CLEC3A: variants seen among roughly 807,000 people sequenced by gnomAD.
The protein encoded by CLEC3A is C-type lectin domain family 3 member A, also known as C-type (calcium dependent, carbohydrate-recognition domain) lectin, superfamily member 1 (cartilage-derived).
In CLEC3A, 28 loss-of-function variants were observed where a neutral mutation model predicts 20.4. That is an observed-to-expected ratio of 1.37 (90% CI 1.02 to 1.88). CLEC3A has a LOEUF of 1.88. Ranked by LOEUF, CLEC3A falls within the 40% of genes most tolerant of loss-of-function variation. The pLI is 0.00. For missense variants in CLEC3A, 357 were observed against 240.4 expected, an observed-to-expected ratio of 1.48 and a Z score of -3.21; for synonymous variants, 110 against 88.1, an observed-to-expected ratio of 1.25 and a Z score of -1.39.
chr16:78,024,565 A>G (rs1597150961), intron 1 of CLEC3A, among the ~76,000 whole-genome samples: 1 of 152,188 alleles, frequency 6.6e-6, no homozygotes, highest in African/African-American at 2.4e-5. Flanking sequence ...TTCCCCCAGT[A>G]TAGTTTTTGC....
chr16:78,026,844 A>G (rs2029939007), intron 1 of CLEC3A, among the ~76,000 whole-genome samples: 1 of 152,202 alleles, frequency 6.6e-6, no homozygotes, highest in African/African-American at 2.4e-5. Flanking sequence ...CCAGGAACAT[A>G]CAAGACTTAA....
At chr16:78,026,119 G>T (rs2029911062) in intron 1 of CLEC3A, among the ~76,000 whole-genome samples, 2 of 152,092 alleles carry the variant, frequency 1.3e-5, no homozygotes, top group Admixed American at 6.5e-5. Context: ...AAATCTTTAG[G>T]TTATAGTATT....
In CLEC3A at chr16:78,032,018, T is replaced by G. The variant is rs1421789497; in HGVS notation, c.*1177T>G. Reference sequence around the variant, plus strand: ...ATGTGTTTTGTGAACAATATCCCACTTTGCAAACTTTAACTACACATGCTT... The same window carrying G: ...ATGTGTTTTGTGAACAATATCCCACGTTGCAAACTTTAACTACACATGCTT... On this transcript the variant is annotated 3_prime_UTR_variant, in exon 3 of 3. Coordinates refer to ENST00000299642, the MANE Select transcript of CLEC3A (RefSeq NM_005752.6). 6.6e-6 allele frequency: 1 copy of G among 152,650 alleles called. No individual in the cohort carries two copies. The highest frequency in any genetic ancestry group is 1.9e-4 in the East Asian group (1 of 5,204). 9.5% of individuals were successfully genotyped at this position (152,650 alleles called of 1,614,324 possible).
At position 78,030,897 on chromosome 16, in the gene CLEC3A, T is replaced by C. The variant is rs754008238; in HGVS notation, c.*56T>C. ...TTCATCATAACTTATAGGTTCATGA[T>C]CTCTAAGATCAAGTAAAAATCATAA... On this transcript the variant is annotated 3_prime_UTR_variant, in exon 3 of 3. Coordinates refer to ENST00000299642, the MANE Select transcript of CLEC3A (RefSeq NM_005752.6). The C allele has an allele frequency of 6.7e-7, 1 of 1,496,328 alleles. No homozygotes were observed. Among genetic ancestry groups the C allele is most frequent in the Non-Finnish European group, 9.0e-7 (1 of 1,115,570 alleles). The allele number at this position is 1,496,328 out of a possible 1,614,324, so 92.7% of individuals were successfully genotyped here.
At chr16:78,028,474 G>T (rs980442546) in intron 2 of CLEC3A, among the ~76,000 whole-genome samples, 1 of 152,224 alleles carries the variant, frequency 6.6e-6, no homozygotes, top group Non-Finnish European at 1.5e-5. Flanking sequence ...AATGAAGCCA[G>T]TATGAAATGA....
chr16:78,027,473 A>C (rs751877222), intron 1 of CLEC3A, among the ~76,000 whole-genome samples: 2 of 152,206 alleles, frequency 1.3e-5, no homozygotes, highest in Non-Finnish European at 2.9e-5. Context: ...GCTCATTCTC[A>C]GATGACCCTG....
intron 1 of CLEC3A, among the ~76,000 whole-genome samples, chr16:78,024,435 T>TCCCACTTCTTTACCCCCTTCTTC (rs1255908763): frequency 7.9e-5 from 12 of 151,996 alleles, no homozygotes; most frequent in Admixed American, 3.9e-4. Context: ...CTACCTTCTT[T>TCCCACTTCTTTACCCCCTTCTTC]CCCACTTCTT....
At chr16:78,022,806 G>C in intron 1 of CLEC3A, 65 bp downstream of exon 1, 2 of 1,563,102 alleles carry the variant, frequency 1.3e-6, no homozygotes, top group Non-Finnish European at 8.7e-7. Context: ...GCTGGACAAT[G>C]TTAATTTTCA....
At position 78,024,289 on chromosome 16, in the gene CLEC3A, T is replaced by C. The variant is rs538488914; in HGVS notation, c.115+1548T>C. Among the ~76,000 whole-genome samples the C allele has an allele frequency of 8.5e-5, 13 of 152,190 alleles. No individual in the cohort carries two copies. The South Asian group carries it at 2.7e-3, about 32-fold the overall frequency. ...GAGTGGCGATCACCCAGTAGGAATG[T>C]GTGAAGAGGGTCTGAACATGACTGA... On this transcript the variant is annotated intron_variant, in intron 1 of 2. Transcript: ENST00000299642.
At position 78,022,751 on chromosome 16, in the gene CLEC3A, C is replaced by G. The variant is rs1438577209; in HGVS notation, c.115+10C>G. 1 of 1,612,790 alleles carries G rather than the reference C, an allele frequency of 6.2e-7. No homozygotes were observed. The highest frequency in any genetic ancestry group is 8.5e-7 in the Non-Finnish European group (1 of 1,179,870). ...AAACGTCGAGTGAGAGGTAATGGGG[C>G]TTCTCAATCAAGCAAAATTCTAGGC... is the stretch of plus-strand genomic sequence containing the variant. On this transcript the variant is annotated intron_variant, in intron 1 of 2. Coordinates refer to ENST00000299642, the MANE Select transcript of CLEC3A (RefSeq NM_005752.6).
chr16:78,029,066 A>T (rs2030008463), intron 2 of CLEC3A: 3 of 451,354 alleles, frequency 6.6e-6, no homozygotes, highest in South Asian at 4.7e-5. Context: ...AATTCTTTAT[A>T]AACACAAATC....
At chr16:78,029,610 C>T (rs1006397846) in intron 2 of CLEC3A, among the ~76,000 whole-genome samples, 6 of 152,074 alleles carry the variant, frequency 3.9e-5, no homozygotes, top group African/African-American at 1.2e-4. Context: ...CCTTGTGATC[C>T]ACCCGCTTCT....
intron 2 of CLEC3A, among the ~76,000 whole-genome samples, chr16:78,028,653 C>T (rs2029994930): frequency 6.6e-6 from 1 of 152,266 alleles, no homozygotes; most frequent in Admixed American, 6.5e-5. Context: ...ACATGCGCTA[C>T]TGCCCAGGAG....
At chr16:78,029,839 AT>A (rs1347790834) in intron 2 of CLEC3A, among the ~76,000 whole-genome samples, 6 of 152,264 alleles carry the variant, frequency 3.9e-5, no homozygotes, top group Middle Eastern at 3.4e-3. Context: ...GTGATCTCAC[AT>A]GCTGCAAAAA....
rs1567544816 is a variant in CLEC3A, at chr16:78,030,444, C to T, written c.200-3C>T. The T allele has an allele frequency of 1.3e-6, 2 of 1,590,304 alleles. No individual in the cohort carries two copies. Among genetic ancestry groups the T allele is most frequent in the Non-Finnish European group, 1.7e-6 (2 of 1,166,972 alleles). On this transcript the variant is annotated splice_polypyrimidine_tract_variant and splice_region_variant and intron_variant, in intron 2 of 2. Coordinates refer to ENST00000299642, the MANE Select transcript of CLEC3A (RefSeq NM_005752.6). ...TAATATGTTACACTTCACATCTTCA[C>T]AGTCTGTCTCCGAGGCACTAAAGTT...
chr16:78,025,965 G>A (rs1225416889), intron 1 of CLEC3A, among the ~76,000 whole-genome samples: 1 of 152,164 alleles, frequency 6.6e-6, no homozygotes, highest in Non-Finnish European at 1.5e-5. Flanking sequence ...GAGAGGGATG[G>A]GGGATGACAT....
At chr16:78,030,056 G>C (rs2030044150) in intron 2 of CLEC3A, among the ~76,000 whole-genome samples, 1 of 150,832 alleles carries the variant, frequency 6.6e-6, no homozygotes, top group Non-Finnish European at 1.5e-5. Context: ...GGGAGCCTGA[G>C]ACGGGAGAAT....
At position 78,031,083 on chromosome 16, in the gene CLEC3A, A is replaced by C. The variant is rs1427231841; in HGVS notation, c.*242A>C. On this transcript the variant is annotated 3_prime_UTR_variant, in exon 3 of 3. Transcript: ENST00000299642. ...GCACGCAGATAAAATGGCTTCTGCT[A>C]AACAGACTAAAATCTTTCTCTCTAG... The C allele has an allele frequency of 3.1e-5, 13 of 423,336 alleles. No individual in the cohort carries two copies. The highest frequency in any genetic ancestry group is 5.0e-5 in the Non-Finnish European group (12 of 240,792). The allele number at this position is 423,336 out of a possible 1,614,324, so 26.2% of individuals were successfully genotyped here.
chr16:78,024,540 A>G lies in CLEC3A; in HGVS notation c.115+1799A>G, dbSNP rs1240544501. On this transcript the variant is annotated intron_variant, in intron 1 of 2. Transcript: ENST00000299642. The stretch of plus-strand genomic sequence containing the variant: ...ACAAAACAAAACTGACTAGGTACAC[A>G]CCTCTTAAATGTCATTCCCCCAGTA... 2.0e-5 allele frequency among the ~76,000 whole-genome samples: 3 copies of G among 151,880 alleles called. 1 individual carries two copies. The highest frequency in any genetic ancestry group is 4.4e-5 in the Non-Finnish European group (3 of 67,974).
Sources: gnomAD v4.1 joint callset for allele counts (sites outside exome capture counted in the v4.1 genomes callset) on GRCh38, gnomAD v4.1.1 for gene constraint, MANE v1.5 for transcripts, NCBI Gene and HGNC (gene_info 2026-07-23, HGNC 2026-07-21) for gene names.